MTHFD2: variants seen among roughly 807,000 people sequenced by gnomAD.
The protein encoded by MTHFD2 is bifunctional methylenetetrahydrofolate dehydrogenase/cyclohydrolase, mitochondrial.
Under a neutral mutation model 36.8 loss-of-function variants are expected in MTHFD2, and 26 were observed. The ratio of observed to expected loss-of-function variants is 0.71; its 90% CI spans 0.52 to 0.98. The LOEUF is 0.98. Ranked by LOEUF, MTHFD2 falls within the 50% of genes least tolerant of loss-of-function variation. The pLI is 0.00. For synonymous variants in MTHFD2, 164 were observed against 155.2 expected, an observed-to-expected ratio of 1.06 and a Z score of -0.42; for missense variants, 373 against 434.0, an observed-to-expected ratio of 0.86 and a Z score of 1.25.
intron 1 of MTHFD2, among the ~76,000 whole-genome samples, chr2:74,199,311 T>G (rs1038286784): frequency 2.0e-5 from 3 of 152,166 alleles, no homozygotes; most frequent in South Asian, 4.2e-4. Flanking sequence ...GCCAGGAACA[T>G]GAACGGACTC....
rs1422363227 is a variant in MTHFD2 at position 74,211,796 on chromosome 2, T to C, written c.819T>C (p.Asp273=). The change falls in exon 7 of 8, where the codon GAT becomes GAC. Residue 273 remains aspartate (D), a synonymous_variant. Coordinates refer to ENST00000394053, the MANE Select transcript of MTHFD2 (RefSeq NM_006636.4). ...DMIKEGAAVI[D]VGINRVHDPV... is the part of the protein sequence containing the mutation. ...TCAAGGAAGGAGCAGCAGTCATTGA[T>C]GTGGGAATAAATAGAGTTCACGATC... 6.2e-7 allele frequency: 1 copy of C among 1,611,978 alleles called. No homozygotes were observed. The highest frequency in any genetic ancestry group is 1.3e-5 in the African/African-American group (1 of 74,850).
At chr2:74,208,873 T>G in intron 4 of MTHFD2, 152 bp downstream of exon 4, 1 of 785,000 alleles carries the variant, frequency 1.3e-6, no homozygotes, top group Non-Finnish European at 1.9e-6. Flanking sequence ...CAGTTTTTTT[T>G]TTGTTTTTTG....
chr2:74,208,519 G>C, intron 3 of MTHFD2, 50 bp from the exon 4 acceptor site: 1 of 1,586,422 alleles, frequency 6.3e-7, no homozygotes, highest in Non-Finnish European at 8.6e-7. Flanking sequence ...GTCAGGCAGT[G>C]CTGACTATGC....
chr2:74,203,864 T>TTG (rs2103810933), intron 1 of MTHFD2, among the ~76,000 whole-genome samples: 1 of 57,036 alleles, frequency 1.8e-5, no homozygotes, highest in South Asian at 4.3e-4. Context: ...TAGTTTAGTT[T>TTG]AGTTTAGTTT....
intron 3 of MTHFD2, 144 bp from the exon 4 acceptor site, chr2:74,208,425 T>C: frequency 2.2e-6 from 2 of 908,938 alleles, no homozygotes; most frequent in Non-Finnish European, 1.7e-6. Flanking sequence ...GCTTTGCTTA[T>C]GCGAGTTCCT....
At chr2:74,209,162 G>C (rs967525369) in intron 4 of MTHFD2, among the ~76,000 whole-genome samples, 5 of 152,116 alleles carry the variant, frequency 3.3e-5, no homozygotes, top group Non-Finnish European at 7.3e-5. Flanking sequence ...GAGCCATCGT[G>C]CCTGCCCTTA....
intron 1 of MTHFD2, among the ~76,000 whole-genome samples, chr2:74,202,158 C>G (rs1694056021): frequency 6.6e-6 from 1 of 152,084 alleles, no homozygotes; most frequent in Non-Finnish European, 1.5e-5. Flanking sequence ...CTAAGTCATT[C>G]TCACTGACTA....
At chr2:74,205,999 G>A (rs1694172024) in intron 2 of MTHFD2, 110 bp downstream of exon 2, 2 of 1,176,966 alleles carry the variant, frequency 1.7e-6, no homozygotes, top group Non-Finnish European at 2.4e-6. Flanking sequence ...AAGCAGAGGA[G>A]GCTAATGTGA....
At chr2:74,200,286 C>G (rs1375719499) in intron 1 of MTHFD2, among the ~76,000 whole-genome samples, 1 of 152,150 alleles carries the variant, frequency 6.6e-6, no homozygotes, top group Non-Finnish European at 1.5e-5. Context: ...TAAAGATGCT[C>G]TCATTCATTA....
chr2:74,209,308 T>C (rs1572988171), intron 4 of MTHFD2, among the ~76,000 whole-genome samples: 1 of 151,694 alleles, frequency 6.6e-6, no homozygotes, highest in East Asian at 1.9e-4. Flanking sequence ...AGTGGCGTGA[T>C]CTCGACTCAC....
intron 3 of MTHFD2, among the ~76,000 whole-genome samples, chr2:74,208,120 G>A (rs1268248222): frequency 6.6e-6 from 1 of 152,116 alleles, no homozygotes; most frequent in East Asian, 1.9e-4. Context: ...TGTTGCCTGG[G>A]CTGGTCTTGG....
intron 1 of MTHFD2, among the ~76,000 whole-genome samples, chr2:74,202,716 C>T (rs1042168026): frequency 6.6e-6 from 1 of 151,668 alleles, no homozygotes; most frequent in East Asian, 1.9e-4. Flanking sequence ...TTAGTAGAGA[C>T]GGGGTTTCAC....
At chr2:74,207,615 C>T (rs1364967689) in intron 2 of MTHFD2, 89 bp from the exon 3 acceptor site, 7 of 1,286,776 alleles carry the variant, frequency 5.4e-6, no homozygotes, top group Non-Finnish European at 6.4e-6. Context: ...TGATACAAAA[C>T]CCGTATGGTA....
intron 7 of MTHFD2, 120 bp downstream of exon 7, chr2:74,211,986 G>A: frequency 1.2e-6 from 1 of 840,036 alleles, no homozygotes; most frequent in Non-Finnish European, 1.6e-6. Context: ...GTCTCACTCT[G>A]TTGCCCAGGC....
At chr2:74,212,263 CTTTT>C (rs398042480) in intron 7 of MTHFD2, among the ~76,000 whole-genome samples, 38 of 35,720 alleles carry the variant, frequency 1.1e-3, no homozygotes, top group African/African-American at 4.6e-3. Flanking sequence ...GTTTCTTTCT[CTTTT>C]TTTTTTTTTT....
intron 1 of MTHFD2, among the ~76,000 whole-genome samples, chr2:74,204,059 G>A (rs193061134): frequency 4.0e-5 from 6 of 151,862 alleles, no homozygotes; most frequent in East Asian, 1.9e-4. Context: ...GATTATAGGC[G>A]CGCACCACCA....
chr2:74,199,622 C>G (rs562449975), intron 1 of MTHFD2, among the ~76,000 whole-genome samples: 1 of 150,792 alleles, frequency 6.6e-6, no homozygotes, highest in South Asian at 2.1e-4. Flanking sequence ...GCACGAGAAT[C>G]GCTTGAGCCC....
chr2:74,214,363 T>G lies in MTHFD2; in HGVS notation c.*121T>G. On this transcript the variant is annotated 3_prime_UTR_variant, in exon 8 of 8. Coordinates refer to ENST00000394053, the MANE Select transcript of MTHFD2 (RefSeq NM_006636.4). ...AATGGTTTAAAATGATGCCTTGTAT[T>G]TATTGAAAGCTTAAATGGGTGGGTG... 8.4e-7 allele frequency: 1 copy of G among 1,187,524 alleles called. No individual in the cohort carries two copies. Among genetic ancestry groups the G allele is most frequent in the Non-Finnish European group, 1.2e-6 (1 of 857,446 alleles). The allele number at this position is 1,187,524 out of a possible 1,614,324, so 73.6% of individuals were successfully genotyped here. A position where few individuals can be genotyped will look rare whatever the true frequency, so the allele number is the denominator to read the frequency against.
In MTHFD2 at chr2:74,209,545, G is replaced by A. The variant is rs192510828; in HGVS notation, c.563-397G>A. Among the ~76,000 whole-genome samples the A allele has an allele frequency of 3.3e-3, 499 of 151,888 alleles. 2 individuals carry two copies. Among genetic ancestry groups the A allele is most frequent in the Middle Eastern group, 6.8e-3 (2 of 294 alleles). On this transcript the variant is annotated intron_variant, in intron 4 of 7. Transcript: ENST00000394053. ...GGATTACAGGTGTGAGCCATCGCGC[G>A]TGGCCTCTATTTTTCTTTTTAATTT...
Sources: allele counts gnomAD v4.1 joint callset (sites outside exome capture counted in the v4.1 genomes callset), GRCh38; gene constraint gnomAD v4.1.1; transcripts MANE v1.5; gene names NCBI Gene and HGNC (gene_info 2026-07-23, HGNC 2026-07-21).